THSD7B: variants seen among roughly 807,000 people sequenced by gnomAD.
THSD7B encodes the protein thrombospondin type 1 domain containing 7B, also known as thrombospondin type-1 domain-containing protein 7B.
A neutral mutation model predicts 213.6 loss-of-function variants in THSD7B; 138 were observed. The observed-to-expected ratio is 0.65, with a 90% CI of 0.56 to 0.74. The LOEUF is 0.74. Ranked by LOEUF, THSD7B falls within the 30% of genes least tolerant of loss-of-function variation. The probability of loss-of-function intolerance (pLI) is 0.00; values close to 1 mark genes in which losing one functional copy is unlikely to be tolerated. For missense variants in THSD7B, 1,931 were observed against 1,991.5 expected (o/e 0.97, Z 0.58); for synonymous variants, 742 against 687.0 (o/e 1.08, Z -1.25).
rs186801485 is a variant in THSD7B, at chr2:137,193,274, G to C, written c.1723+22336G>C. On this transcript the variant is annotated intron_variant, in intron 7 of 27. Transcript: ENST00000409968. The stretch of plus-strand genomic sequence containing the variant: ...ATTCATGTGGATGTGTAACTTGTAT[G>C]AGTGTGTGTTTGTTCATTTTTATGA... Among the ~76,000 whole-genome samples, 17 of 152,314 alleles carry C rather than the reference G, an allele frequency of 1.1e-4. No individual in the cohort carries two copies. In the East Asian group the frequency reaches 2.7e-3, roughly 24 times the overall value.
At position 137,198,288 on chromosome 2, in the gene THSD7B, G is replaced by A. The variant is rs1680805813; in HGVS notation, c.1723+27350G>A. Among the ~76,000 whole-genome samples the A allele has an allele frequency of 2.0e-5, 3 of 152,072 alleles. No homozygotes were observed. In the South Asian group the frequency reaches 6.2e-4, roughly 31 times the overall value. ...ACCTGCCCTTCTCCAATTTTGAAAG[G>A]AGAACATGAGAGTGGTATTTTCTCT... On this transcript the variant is annotated intron_variant, in intron 7 of 27. Coordinates refer to ENST00000409968, the MANE Select transcript of THSD7B (RefSeq NM_001316349.2).
chr2:137,117,164 T>C (rs1386405930), intron 5 of THSD7B, among the ~76,000 whole-genome samples: 1 of 150,636 alleles, frequency 6.6e-6, no homozygotes, highest in East Asian at 1.9e-4. Flanking sequence ...TTATCAAAGG[T>C]TTTATTTTGC....
chr2:137,109,831 G>C (rs563132544), intron 4 of THSD7B, among the ~76,000 whole-genome samples: 2 of 152,232 alleles, frequency 1.3e-5, no homozygotes, highest in East Asian at 1.9e-4. Context: ...TCTGTGGCTC[G>C]GGTGTTAGGG....
chr2:137,020,626 A>G (rs922608907), intron 2 of THSD7B, among the ~76,000 whole-genome samples: 4 of 152,134 alleles, frequency 2.6e-5, no homozygotes, highest in African/African-American at 9.7e-5. Context: ...ATCCCTCCCC[A>G]GAGCTCCACT....
At chr2:137,507,679 G>GT (rs1055196060) in intron 15 of THSD7B, among the ~76,000 whole-genome samples, 2 of 151,786 alleles carry the variant, frequency 1.3e-5, no homozygotes, top group Non-Finnish European at 1.5e-5. Flanking sequence ...ATTTTTTTCT[G>GT]TTTCCTTTTT....
intron 27 of THSD7B, among the ~76,000 whole-genome samples, chr2:137,671,236 T>G (rs1683566060): frequency 5.9e-5 from 2 of 33,724 alleles, no homozygotes; most frequent in Admixed American, 8.0e-4. Context: ...TATGATTTGC[T>G]TTTTTTTTTT....
chr2:137,408,401 C>T (rs964091841), intron 13 of THSD7B, among the ~76,000 whole-genome samples: 9 of 150,770 alleles, frequency 6.0e-5, no homozygotes, highest in African/African-American at 1.7e-4. Context: ...TTTTGTTTAC[C>T]ACTTATATGT....
chr2:137,085,971 T>G (rs1037061934), intron 3 of THSD7B, among the ~76,000 whole-genome samples: 1 of 152,246 alleles, frequency 6.6e-6, no homozygotes, highest in Admixed American at 6.5e-5. Context: ...TGTTTCTGTA[T>G]GTCTGTTGTC....
intron 12 of THSD7B, among the ~76,000 whole-genome samples, chr2:137,322,175 G>A (rs906407932): frequency 1.3e-5 from 2 of 152,114 alleles, no homozygotes; most frequent in African/African-American, 4.8e-5. Context: ...TTTCCTCCCT[G>A]GTGTAAGATC....
At chr2:137,511,578 C>T (rs1427392833) in intron 15 of THSD7B, among the ~76,000 whole-genome samples, 4 of 152,110 alleles carry the variant, frequency 2.6e-5, no homozygotes, top group Non-Finnish European at 4.4e-5. Flanking sequence ...AGCCTGGTTC[C>T]CTTGTAGAGT....
At chr2:136,929,453 A>G (rs1457827744) in intron 2 of THSD7B, among the ~76,000 whole-genome samples, 3 of 152,138 alleles carry the variant, frequency 2.0e-5, no homozygotes, top group Non-Finnish European at 2.9e-5. Flanking sequence ...TTATGTATTT[A>G]CTTCAAAATG....
intron 6 of THSD7B, among the ~76,000 whole-genome samples, chr2:137,169,064 A>C (rs1001230663): frequency 6.6e-6 from 1 of 151,478 alleles, no homozygotes; most frequent in African/African-American, 2.4e-5. Flanking sequence ...TGTCAATGCC[A>C]TGAGAATATA....
chr2:136,987,295 A>G (rs1685688854), intron 2 of THSD7B, among the ~76,000 whole-genome samples: 1 of 152,202 alleles, frequency 6.6e-6, no homozygotes, highest in South Asian at 2.1e-4. Flanking sequence ...CTTATATGGG[A>G]AAGTATGCCA....
intron 17 of THSD7B, among the ~76,000 whole-genome samples, chr2:137,613,195 A>G (rs1682319758): frequency 6.6e-6 from 1 of 152,180 alleles, no homozygotes; most frequent in Admixed American, 6.5e-5. Context: ...ATTGGTGAAG[A>G]AACAGGCCAC....
chr2:137,078,971 A>T (rs1215254261), intron 3 of THSD7B, among the ~76,000 whole-genome samples: 1 of 152,058 alleles, frequency 6.6e-6, no homozygotes, highest in Admixed American at 6.6e-5. Flanking sequence ...GTTGTTTGTG[A>T]TATTTCTATT....
intron 2 of THSD7B, among the ~76,000 whole-genome samples, chr2:136,904,810 A>AAAAG (rs1422195432): frequency 4.7e-4 from 2 of 4,216 alleles, no homozygotes; most frequent in Non-Finnish European, 3.0e-3. Flanking sequence ...TGAGAATAAA[A>AAAAG]AAAGAGAGAG....
Position 137,057,055 on chromosome 2 carries a change from A to G in THSD7B, c.775A>G (p.Ile259Val). ...ATGCAGACTGCCTCATCTTAAAGAAATTAATCCAAGCGGAAGAACTGTTCT... is the reference window on the plus strand; with the variant it reads ...ATGCAGACTGCCTCATCTTAAAGAAGTTAATCCAAGCGGAAGAACTGTTCT... ...SKCRLPHLKEINPSGRTVLDF... is the reference protein window; with the variant it reads ...SKCRLPHLKEVNPSGRTVLDF... The change falls in exon 3 of 28, where the codon ATT becomes GTT. Residue 259 changes from isoleucine (I) to valine (V), a missense_variant. Transcript: ENST00000409968. 1 of 1,613,988 alleles carries G rather than the reference A, an allele frequency of 6.2e-7. No individual in the cohort carries two copies. Among genetic ancestry groups the G allele is most frequent in the East Asian group, 2.2e-5 (1 of 44,872 alleles).
At chr2:137,541,664 A>T (rs181206542) in intron 15 of THSD7B, among the ~76,000 whole-genome samples, 1 of 151,882 alleles carries the variant, frequency 6.6e-6, no homozygotes, top group Non-Finnish European at 1.5e-5. Flanking sequence ...AAAGATTTTG[A>T]ACCTATTTTA....
chr2:137,063,312 C>T (rs1228922107), intron 3 of THSD7B, among the ~76,000 whole-genome samples: 1 of 151,856 alleles, frequency 6.6e-6, no homozygotes, highest in Non-Finnish European at 1.5e-5. Context: ...TTAATATTTA[C>T]TGTGGTCATT....
Sources: gnomAD v4.1 joint callset for allele counts (sites outside exome capture counted in the v4.1 genomes callset) on GRCh38, gnomAD v4.1.1 for gene constraint, MANE v1.5 for transcripts, NCBI Gene and HGNC (gene_info 2026-07-23, HGNC 2026-07-21) for gene names.